RPH3A: variants seen among roughly 807,000 people sequenced by gnomAD.
The protein encoded by RPH3A is rabphilin 3A.
A neutral mutation model predicts 102.2 loss-of-function variants in RPH3A; 48 were observed. The ratio of observed to expected loss-of-function variants is 0.47; its 90% CI spans 0.37 to 0.60. RPH3A has a LOEUF of 0.60. RPH3A is among the 20% of genes least tolerant of loss of function. RPH3A has a pLI of 0.00. For synonymous variants in RPH3A, 310 were observed against 324.3 expected, an observed-to-expected ratio of 0.96 and a Z score of 0.47; for missense variants, 781 against 910.1, an observed-to-expected ratio of 0.86 and a Z score of 1.83.
chr12:112,698,438 A>C (rs2040368053), intron 1 of RPH3A, among the ~76,000 whole-genome samples: 1 of 152,250 alleles, frequency 6.6e-6, no homozygotes, highest in South Asian at 2.1e-4. Context: ...ACTTTGAAAG[A>C]CACTGTTAAG....
Position 112,867,816 on chromosome 12 carries a change from G to C in RPH3A, c.445-614G>C, listed in dbSNP as rs560595848. Among the ~76,000 whole-genome samples, 15 of 152,360 alleles carry C rather than the reference G, an allele frequency of 9.8e-5. No individual in the cohort carries two copies. The South Asian group carries it at 3.1e-3, about 32-fold the overall frequency. On this transcript the variant is annotated intron_variant, in intron 7 of 21. Transcript: ENST00000389385. ...GCAATCCAAGCTTTCAAGAGGCTTT[G>C]TTGTAATCCCTGGTGCTCTCCTTGA...
chr12:112,622,634 G>T (rs1158455570), intron 1 of RPH3A, among the ~76,000 whole-genome samples: 3 of 151,262 alleles, frequency 2.0e-5, no homozygotes, highest in Non-Finnish European at 4.4e-5. Flanking sequence ...AAAACACTCT[G>T]CAGGATATTA....
At chr12:112,886,122 G>T (rs1466115834) in intron 16 of RPH3A, among the ~76,000 whole-genome samples, 1 of 152,154 alleles carries the variant, frequency 6.6e-6, no homozygotes, top group Non-Finnish European at 1.5e-5. Flanking sequence ...TTGAACATTT[G>T]TTCAACTAAT....
At chr12:112,663,454 T>C (rs1397871716) in intron 1 of RPH3A, among the ~76,000 whole-genome samples, 1 of 152,072 alleles carries the variant, frequency 6.6e-6, no homozygotes, top group Non-Finnish European at 1.5e-5. Context: ...ACTCAAGCAA[T>C]CCTCCCACCA....
At chr12:112,657,530 A>T (rs1030393278) in intron 1 of RPH3A, among the ~76,000 whole-genome samples, 1 of 152,236 alleles carries the variant, frequency 6.6e-6, no homozygotes, top group Non-Finnish European at 1.5e-5. Flanking sequence ...TTAGACCAAC[A>T]TCACCGCAAG....
chr12:112,747,687 T>A (rs2040758508), intron 1 of RPH3A, among the ~76,000 whole-genome samples: 1 of 152,226 alleles, frequency 6.6e-6, no homozygotes, highest in South Asian at 2.1e-4. Context: ...CACCCTGCCC[T>A]ACCACTGTCA....
At chr12:112,723,601 G>A (rs1592963841) in intron 1 of RPH3A, among the ~76,000 whole-genome samples, 1 of 152,326 alleles carries the variant, frequency 6.6e-6, no homozygotes. Flanking sequence ...GTCCCATGGA[G>A]TTATTCAAGG....
At chr12:112,691,639 T>C (rs901829864) in intron 1 of RPH3A, among the ~76,000 whole-genome samples, 2 of 152,198 alleles carry the variant, frequency 1.3e-5, no homozygotes, top group African/African-American at 4.8e-5. Context: ...GCCAAATTAT[T>C]TACCTTCCCT....
intron 14 of RPH3A, among the ~76,000 whole-genome samples, chr12:112,880,437 T>G (rs939743256): frequency 1.3e-5 from 2 of 152,242 alleles, no homozygotes; most frequent in Non-Finnish European, 2.9e-5. Flanking sequence ...GGGATTCTTA[T>G]TAGCCCCATT....
intron 1 of RPH3A, among the ~76,000 whole-genome samples, chr12:112,638,671 T>A (rs4766986): frequency 1.3e-5 from 2 of 152,172 alleles, no homozygotes; most frequent in Non-Finnish European, 2.9e-5. Context: ...GGTTAACAAA[T>A]GCAGAATTGC....
chr12:112,745,944 T>C (rs912976105), intron 1 of RPH3A, among the ~76,000 whole-genome samples: 10 of 152,136 alleles, frequency 6.6e-5, no homozygotes, highest in African/African-American at 2.4e-4. Flanking sequence ...GATGCCTCTT[T>C]AAGAGGCAGG....
chr12:112,846,903 G>T (rs560706633), intron 4 of RPH3A, among the ~76,000 whole-genome samples: 1 of 152,248 alleles, frequency 6.6e-6, no homozygotes, highest in African/African-American at 2.4e-5. Context: ...AGGCTCCCTG[G>T]GTCTGAATCC....
chr12:112,868,567 C>T lies in RPH3A; in HGVS notation c.582C>T (p.Pro194=), dbSNP rs1050495010. The T allele has an allele frequency of 5.6e-6, 9 of 1,614,116 alleles. No homozygotes were observed. The highest frequency in any genetic ancestry group is 7.6e-6 in the Non-Finnish European group (9 of 1,180,012). Reference sequence around the variant, plus strand: ...CCCCTGAACAGCCTGCTCCTGAGCCCAAGCACCCTGCCCGGGCTCCAGCTC... The same window carrying T: ...CCCCTGAACAGCCTGCTCCTGAGCCTAAGCACCCTGCCCGGGCTCCAGCTC... ...PAAPEQPAPE[P]KHPARAPARG... is the part of the protein sequence containing the mutation. The change falls in exon 8 of 22, where the codon CCC becomes CCT. Residue 194 remains proline (P), a synonymous_variant. Transcript: ENST00000389385.
At chr12:112,581,553 G>C (rs1411409021) in intron 1 of RPH3A, among the ~76,000 whole-genome samples, 1 of 152,162 alleles carries the variant, frequency 6.6e-6, no homozygotes, top group East Asian at 1.9e-4. Context: ...TATTTGGGGG[G>C]AAAAGAAGTA....
At chr12:112,725,268 A>C (rs971502100) in intron 1 of RPH3A, among the ~76,000 whole-genome samples, 260 of 147,922 alleles carry the variant, frequency 1.8e-3, no homozygotes, top group African/African-American at 5.2e-3. Flanking sequence ...AAAAAAAAAA[A>C]AAAAAAAAAA....
intron 1 of RPH3A, among the ~76,000 whole-genome samples, chr12:112,752,906 ACTGTATGATCATTTATTT>A (rs2040794374): frequency 6.7e-6 from 1 of 150,094 alleles, no homozygotes; most frequent in Admixed American, 6.6e-5. Context: ...CATCATTGAG[ACTGTATGATCATTTATTT>A]CCCCAACCCC....
chr12:112,775,623 A>G (rs1820598041), intron 1 of RPH3A, among the ~76,000 whole-genome samples: 1 of 152,232 alleles, frequency 6.6e-6, no homozygotes. Context: ...TAGCAGTGGG[A>G]GAAATAGAAG....
intron 1 of RPH3A, among the ~76,000 whole-genome samples, chr12:112,708,576 G>A (rs1028782578): frequency 6.6e-6 from 1 of 152,132 alleles, no homozygotes; most frequent in Non-Finnish European, 1.5e-5. Flanking sequence ...TGGGGTTGTG[G>A]GTCCATTTGC....
chr12:112,759,943 CAT>C (rs2040844318), intron 1 of RPH3A, among the ~76,000 whole-genome samples: 2 of 152,284 alleles, frequency 1.3e-5, no homozygotes, highest in Middle Eastern at 3.4e-3. Flanking sequence ...TTTAAAGCAG[CAT>C]ATGTTTCCAG....
Sources: allele counts gnomAD v4.1 joint callset (sites outside exome capture counted in the v4.1 genomes callset), GRCh38; gene constraint gnomAD v4.1.1; transcripts MANE v1.5; gene names NCBI Gene and HGNC (gene_info 2026-07-23, HGNC 2026-07-21).